SCFD2: variants seen among roughly 807,000 people sequenced by gnomAD.
SCFD2 encodes sec1 family domain-containing protein 2.
SCFD2 carries 54 observed loss-of-function variants against 58.9 expected under a neutral mutation model. The observed-to-expected ratio is 0.92, with a 90% CI of 0.74 to 1.15. The LOEUF is 1.15. Ranked by LOEUF, SCFD2 falls within the 50% of genes most tolerant of loss-of-function variation. The pLI is 0.00. For missense variants in SCFD2, 805 were observed against 836.6 expected (o/e 0.96, Z 0.47); for synonymous variants, 321 against 335.9 (o/e 0.96, Z 0.49).
At chr4:53,194,860 G>T (rs897443531) in intron 4 of SCFD2, among the ~76,000 whole-genome samples, 14 of 152,110 alleles carry the variant, frequency 9.2e-5, no homozygotes, top group Non-Finnish European at 1.3e-4. Context: ...TTTAAAAAAA[G>T]ATTTTATTTT....
At chr4:53,037,483 T>C (rs544588230) in intron 5 of SCFD2, among the ~76,000 whole-genome samples, 20 of 152,168 alleles carry the variant, frequency 1.3e-4, no homozygotes, top group Non-Finnish European at 2.8e-4. Context: ...GCTGAAGACA[T>C]GCATGTATTT....
chr4:52,963,800 A>G (rs531584596), intron 5 of SCFD2, among the ~76,000 whole-genome samples: 4 of 152,300 alleles, frequency 2.6e-5, no homozygotes, highest in Non-Finnish European at 5.9e-5. Flanking sequence ...ACTATTGGTA[A>G]AAACAGAGGT....
chr4:53,215,343 T>C (rs1728783611), intron 4 of SCFD2, among the ~76,000 whole-genome samples: 3 of 152,172 alleles, frequency 2.0e-5, no homozygotes, highest in Non-Finnish European at 2.9e-5. Flanking sequence ...CAGTGGTTTG[T>C]AGTTCTCCTT....
In SCFD2 at chr4:53,199,121, A is replaced by G. The variant is rs546806845; in HGVS notation, c.1312-53539T>C. ...GTTTGAGGGGCCAAGGTTCTTCTGTAGCAAAGCCAATATAACCACTCAGTC... is the reference window on the plus strand; with the variant it reads ...GTTTGAGGGGCCAAGGTTCTTCTGTGGCAAAGCCAATATAACCACTCAGTC... On this transcript the variant is annotated intron_variant, in intron 4 of 8. Transcript: ENST00000401642. Among the ~76,000 whole-genome samples the G allele has an allele frequency of 2.6e-5, 4 of 152,224 alleles. No individual in the cohort carries two copies. In the South Asian group the frequency reaches 8.3e-4, roughly 32 times the overall value.
intron 5 of SCFD2, among the ~76,000 whole-genome samples, chr4:53,007,713 A>C (rs139066934): frequency 3.9e-5 from 6 of 152,348 alleles, no homozygotes; most frequent in African/African-American, 1.4e-4. Context: ...GATAACTGCT[A>C]ATTGTCTGCC....
intron 5 of SCFD2, among the ~76,000 whole-genome samples, chr4:52,971,691 A>G (rs534644331): frequency 7.2e-4 from 109 of 152,332 alleles, no homozygotes; most frequent in African/African-American, 2.5e-3. Flanking sequence ...CCTTGAGAAG[A>G]GCAACTCCAA....
chr4:53,331,686 A>ACT (rs1288111176), intron 2 of SCFD2, among the ~76,000 whole-genome samples: 1 of 152,218 alleles, frequency 6.6e-6, no homozygotes, highest in Non-Finnish European at 1.5e-5. Context: ...AATTAAAAGA[A>ACT]CTAGAGAAGC....
chr4:53,274,649 A>T (rs1298109203), intron 3 of SCFD2, among the ~76,000 whole-genome samples: 3 of 152,212 alleles, frequency 2.0e-5, no homozygotes, highest in Non-Finnish European at 4.4e-5. Context: ...ACCTCATAAA[A>T]GCATAGAGAC....
chr4:53,182,563 T>C (rs893519119), intron 4 of SCFD2, among the ~76,000 whole-genome samples: 9 of 152,266 alleles, frequency 5.9e-5, no homozygotes, highest in Non-Finnish European at 1.2e-4. Flanking sequence ...GAAGAAAACC[T>C]AGGCAATACC....
At chr4:52,919,878 CT>C (rs1420095725) in intron 6 of SCFD2, among the ~76,000 whole-genome samples, 1 of 152,244 alleles carries the variant, frequency 6.6e-6, no homozygotes, top group African/African-American at 2.4e-5. Flanking sequence ...CTCCTCCCCA[CT>C]AACAGCACAT....
chr4:53,352,492 AC>A, intron 2 of SCFD2, 105 bp downstream of exon 2: 1 of 925,278 alleles, frequency 1.1e-6, no homozygotes, highest in Non-Finnish European at 1.6e-6. Flanking sequence ...GAAATTTTCA[AC>A]CAGACCAATT....
intron 5 of SCFD2, among the ~76,000 whole-genome samples, chr4:52,983,085 C>T (rs527684334): frequency 2.6e-5 from 4 of 152,240 alleles, no homozygotes; most frequent in Admixed American, 2.6e-4. Flanking sequence ...TCAACCTATA[C>T]AAGGTATTGT....
At chr4:52,966,121 G>A (rs185742989) in intron 5 of SCFD2, among the ~76,000 whole-genome samples, 11 of 152,182 alleles carry the variant, frequency 7.2e-5, no homozygotes, top group Admixed American at 7.2e-4. Context: ...CATTTATGGA[G>A]ACACACCAGG....
At chr4:52,892,346 T>C (rs1718897959) in intron 7 of SCFD2, among the ~76,000 whole-genome samples, 1 of 152,172 alleles carries the variant, frequency 6.6e-6, no homozygotes, top group Non-Finnish European at 1.5e-5. Context: ...GCCAGTCTGC[T>C]CTTGTTTCTG....
intron 2 of SCFD2, among the ~76,000 whole-genome samples, chr4:53,324,301 C>T (rs1733112507): frequency 6.6e-6 from 1 of 151,548 alleles, no homozygotes; most frequent in African/African-American, 2.4e-5. Flanking sequence ...ACATGTAGTC[C>T]TAGCTACTTA....
intron 5 of SCFD2, among the ~76,000 whole-genome samples, chr4:53,046,073 G>A (rs1421941356): frequency 1.3e-5 from 2 of 152,106 alleles, no homozygotes; most frequent in East Asian, 1.9e-4. Flanking sequence ...GGCCCAGAAT[G>A]CAGCTCTCTA....
intron 4 of SCFD2, among the ~76,000 whole-genome samples, chr4:53,214,055 T>C (rs1015828879): frequency 4.6e-5 from 7 of 152,094 alleles, no homozygotes; most frequent in African/African-American, 1.7e-4. Context: ...CAGTCTATCA[T>C]TCATGGACAT....
chr4:53,226,039 A>T (rs1729202923), intron 4 of SCFD2, among the ~76,000 whole-genome samples: 1 of 152,114 alleles, frequency 6.6e-6, no homozygotes, highest in Non-Finnish European at 1.5e-5. Context: ...AAGCCTCAAG[A>T]GATCATCCTG....
chr4:52,992,711 C>G (rs981579834), intron 5 of SCFD2, among the ~76,000 whole-genome samples: 1 of 151,970 alleles, frequency 6.6e-6, no homozygotes, highest in African/African-American at 2.4e-5. Flanking sequence ...CGTCTCCGCC[C>G]GGCCGCCCCG....
Sources: gnomAD v4.1 joint callset for allele counts (sites outside exome capture counted in the v4.1 genomes callset) on GRCh38, gnomAD v4.1.1 for gene constraint, MANE v1.5 for transcripts, NCBI Gene and HGNC (gene_info 2026-07-23, HGNC 2026-07-21) for gene names.